Variants in DST observed in about 807,000 individuals in gnomAD.
DST encodes the protein dystonin.
A neutral mutation model predicts 875.2 loss-of-function variants in DST; 253 were observed. The observed-to-expected ratio is 0.29, with a 90% CI of 0.26 to 0.32. The LOEUF is 0.32. DST is among the 10% of genes least tolerant of loss of function. The pLI, the probability that DST is intolerant of heterozygous loss-of-function variation, is 1.00. For missense variants in DST, 8,287 were observed against 9,111.6 expected (o/e 0.91, Z 3.68); for synonymous variants, 3,124 against 3,197.1 (o/e 0.98, Z 0.77).
chr6:56,815,697 A>G (rs4299824), intron 4 of DST, among the ~76,000 whole-genome samples: 25,286 of 152,140 alleles, frequency 0.17, 2,344 homozygotes, highest in Non-Finnish European at 0.19. Flanking sequence ...GTGCAACTAA[A>G]GTTAAACAAG....
Position 56,515,638 on chromosome 6 carries a change from C to T in DST, c.18388G>A (p.Asp6130Asn), listed in dbSNP as rs1013765641. The stretch of plus-strand genomic sequence containing the variant: ...TCTGAATTAATCTGGCAGATGGTAT[C>T]ATAGTTCTTCAGTACCTTGTCCAGT... ...KKLDKVLKNY[D>N]TICQINSERY... Residue 6130 changes from aspartate to asparagine, a missense_variant, in exon 72 of 104, where the codon GAT becomes AAT. Around this residue, in one of 10 missense-constraint regions of DST, gnomAD observed 1,292 missense variants for 1,552.7 expected, o/e 0.83. Transcript: ENST00000680361. 6.2e-7 allele frequency: 1 copy of T among 1,610,976 alleles called. No homozygotes were observed. Among genetic ancestry groups the T allele is most frequent in the African/African-American group, 1.3e-5 (1 of 74,876 alleles).
At chr6:56,709,967 G>A (rs1305782606) in intron 5 of DST, among the ~76,000 whole-genome samples, 1 of 152,202 alleles carries the variant, frequency 6.6e-6, no homozygotes, top group African/African-American at 2.4e-5. Context: ...TGAGGTGGAA[G>A]ATGAGGCTGG....
chr6:56,545,778 G>A (rs908097301), intron 61 of DST, among the ~76,000 whole-genome samples: 1 of 152,172 alleles, frequency 6.6e-6, no homozygotes. Flanking sequence ...GTCTATGTAA[G>A]TAAACGCACT....
chr6:56,482,473 A>G lies in DST; in HGVS notation c.21402+210T>C, dbSNP rs138968805. 1.2e-3 allele frequency: 657 copies of G among 543,290 alleles called. 6 individuals are homozygous for G. The highest frequency in any genetic ancestry group is 0.011 in the African/African-American group (600 of 52,194). The allele number at this position is 543,290 out of a possible 1,614,324, so 33.7% of individuals were successfully genotyped here. A position where few individuals can be genotyped will look rare whatever the true frequency, so the allele number is the denominator to read the frequency against. ...GAGACATTACTCACGCAGCACTTGTATGTGAAGATTAGAATGCCTCCCTCT... is the reference window on the plus strand; with the variant it reads ...GAGACATTACTCACGCAGCACTTGTGTGTGAAGATTAGAATGCCTCCCTCT... On this transcript the variant is annotated intron_variant, in intron 89 of 103. Coordinates refer to ENST00000680361, the MANE Select transcript of DST (RefSeq NM_001374736.1).
chr6:56,598,573 G>A lies in DST; in HGVS notation c.11831C>T (p.Ala3944Val). The A allele has an allele frequency of 1.2e-6, 2 of 1,612,154 alleles. No homozygotes were observed. Among genetic ancestry groups the A allele is most frequent in the South Asian group, 1.1e-5 (1 of 90,800 alleles). Residue 3944 changes from alanine (A) to valine (V), a missense_variant, in exon 46 of 104, where the codon GCT becomes GTT. By Grantham distance (64) the Ala-to-Val change is moderately conservative. This residue lies in a region of DST where 1,513 missense variants were observed against 1,677.8 expected (regional missense o/e 0.90). Coordinates refer to ENST00000680361, the MANE Select transcript of DST (RefSeq NM_001374736.1). Reference protein sequence around the residue: ...KALIEQKLNEAKIKCEQLNLK... With the variant: ...KALIEQKLNEVKIKCEQLNLK... ...ATTAAGCTGTTCACACTTTATCTTA[G>A]CTTCATTAAGTTTCTGTTCAATCAA...
In DST at chr6:56,607,984, G is replaced by A; in HGVS notation, c.6644C>T (p.Thr2215Ile). ...ATCGTACAGCAAAAGCCTTTGCCCT[G>A]TGTTTGCATCCATATAGCTATTTAT... ...LMINSYMDAN[T>I]GQRLLLYDGD... The change falls in exon 40 of 104, where the codon ACA becomes ATA. Residue 2215 changes from threonine (T) to isoleucine (I), a missense_variant. Thr to Ile is a moderately conservative substitution (Grantham distance 89, BLOSUM62 -1). Coordinates refer to ENST00000680361, the MANE Select transcript of DST (RefSeq NM_001374736.1). 6.2e-7 allele frequency: 1 copy of A among 1,613,506 alleles called. No homozygotes were observed. Among genetic ancestry groups the A allele is most frequent in the East Asian group, 2.2e-5 (1 of 44,852 alleles).
At chr6:56,775,943 C>T (rs2099678213) in intron 4 of DST, among the ~76,000 whole-genome samples, 1 of 152,202 alleles carries the variant, frequency 6.6e-6, no homozygotes, top group Non-Finnish European at 1.5e-5. Context: ...TTCCCCATCC[C>T]CCGTTGTGGG....
rs1215369774 is a variant in DST at position 56,907,020 on chromosome 6, T to C, written c.217-6399A>G. Among the ~76,000 whole-genome samples, 3 of 152,192 alleles carry C rather than the reference T, an allele frequency of 2.0e-5. No individual in the cohort carries two copies. The East Asian group carries it at 5.8e-4, about 29-fold the overall frequency. On this transcript the variant is annotated intron_variant, in intron 2 of 103. Transcript: ENST00000680361. ...GCCCACTCTAGATCTTCCCTCTTAA[T>C]AATAACCCAGTACATCTCATGGGTA...
chr6:56,508,484 T>G, intron 75 of DST, 45 bp downstream of exon 75: 1 of 1,466,978 alleles, frequency 6.8e-7, no homozygotes, highest in Non-Finnish European at 9.5e-7. Context: ...GATTTCATTA[T>G]GCCACAACTT....
At chr6:56,625,061 T>C (rs1259216489) in intron 35 of DST, 96 bp downstream of exon 35, 3 of 850,938 alleles carry the variant, frequency 3.5e-6, no homozygotes, top group East Asian at 5.2e-5. Flanking sequence ...GTAAGTTTTA[T>C]ACTATGTATA....
At chr6:56,940,959 G>C (rs1278886432) in intron 2 of DST, among the ~76,000 whole-genome samples, 2 of 152,132 alleles carry the variant, frequency 1.3e-5, no homozygotes, top group Non-Finnish European at 2.9e-5. Context: ...CCAGTGATTT[G>C]ATCAGTCTAG....
rs114615311 is a variant in DST at position 56,528,296 on chromosome 6, C to T, written c.17680+545G>A. 4.8e-3 allele frequency among the ~76,000 whole-genome samples: 728 copies of T among 152,248 alleles called. 7 individuals carry two copies. Among genetic ancestry groups the T allele is most frequent in the African/African-American group, 0.016 (664 of 41,536 alleles). Reference sequence around the variant, plus strand: ...GAATGGTACTTGCCCCCAACATACACATATTGCTGAACTGAATATAGGTAT... The same window carrying T: ...GAATGGTACTTGCCCCCAACATACATATATTGCTGAACTGAATATAGGTAT... On this transcript the variant is annotated intron_variant, in intron 67 of 103. Coordinates refer to ENST00000680361, the MANE Select transcript of DST (RefSeq NM_001374736.1).
intron 61 of DST, among the ~76,000 whole-genome samples, chr6:56,543,049 G>A (rs1480853287): frequency 6.6e-6 from 1 of 152,222 alleles, no homozygotes. Flanking sequence ...CAAACACCGC[G>A]GAAACCCCGC....
At chr6:56,553,750 A>G (rs1304670398) in intron 60 of DST, 95 bp from the exon 61 acceptor site, 1 of 1,204,826 alleles carries the variant, frequency 8.3e-7, no homozygotes, top group Non-Finnish European at 1.1e-6. Context: ...GAATATATAG[A>G]ATTGTTGAAA....
At chr6:56,518,679 G>A (rs1012695175) in intron 69 of DST, among the ~76,000 whole-genome samples, 4 of 152,056 alleles carry the variant, frequency 2.6e-5, no homozygotes, top group Non-Finnish European at 4.4e-5. Flanking sequence ...GTCTTCCATC[G>A]GATAAACCCC....
Position 56,843,498 on chromosome 6 carries a change from G to GGCCGGCGGGC in DST, c.625+7889_625+7898dup, listed in dbSNP as rs1181399424. 4.1e-6 allele frequency: 4 copies of GGCCGGCGGGC among 987,456 alleles called. No individual in the cohort carries two copies. The Admixed American group carries it at 1.8e-4, about 46-fold the overall frequency. The allele number at this position is 987,456 out of a possible 1,614,324, so 61.2% of individuals were successfully genotyped here. ...GGGGCGTGCGGCGAGGGCGGGCGGG[G>GGCCGGCGGGC]GCCGGCGGGCGCCCGGACCCTCTGC... On this transcript the variant is annotated intron_variant, in intron 4 of 103. Transcript: ENST00000680361.
At chr6:56,827,611 A>G (rs1309285323) in intron 4 of DST, among the ~76,000 whole-genome samples, 1 of 152,092 alleles carries the variant, frequency 6.6e-6, no homozygotes, top group Non-Finnish European at 1.5e-5. Flanking sequence ...TGAATATAGA[A>G]CGGTGGAGCT....
chr6:56,951,963 TAGG>T (rs1224358368), intron 2 of DST, among the ~76,000 whole-genome samples: 10 of 152,110 alleles, frequency 6.6e-5, no homozygotes, highest in Admixed American at 5.2e-4. Context: ...TAGCACCCAC[TAGG>T]AGATTTTTTT....
intron 3 of DST, among the ~76,000 whole-genome samples, chr6:56,879,801 T>C (rs747324557): frequency 1.4e-4 from 22 of 152,218 alleles, no homozygotes; most frequent in Non-Finnish European, 3.1e-4. Context: ...GTAACTCACT[T>C]GCCCAAAGGC....
Sources: allele counts gnomAD v4.1 joint callset (sites outside exome capture counted in the v4.1 genomes callset), GRCh38; gene constraint gnomAD v4.1.1; regional missense constraint gnomAD v4.1.1; transcripts MANE v1.5; gene names NCBI Gene and HGNC (gene_info 2026-07-23, HGNC 2026-07-21).